Variants in LRRTM4 observed in about 807,000 individuals in gnomAD.
The protein encoded by LRRTM4 is leucine rich repeat transmembrane neuronal 4.
Under a neutral mutation model 47.6 loss-of-function variants are expected in LRRTM4, and 25 were observed. The observed-to-expected ratio is 0.53, with a 90% CI of 0.38 to 0.73. The LOEUF is 0.73. Ranked by LOEUF, LRRTM4 falls within the 30% of genes least tolerant of loss-of-function variation. The pLI is 0.00. For synonymous variants in LRRTM4, 311 were observed against 269.5 expected, an observed-to-expected ratio of 1.15 and a Z score of -1.51; for missense variants, 638 against 713.4, an observed-to-expected ratio of 0.89 and a Z score of 1.20.
chr2:77,049,331 G>T (rs1352723351), intron 3 of LRRTM4, among the ~76,000 whole-genome samples: 1 of 151,048 alleles, frequency 6.6e-6, no homozygotes, highest in Non-Finnish European at 1.5e-5. Context: ...TATATCCAGT[G>T]GTGAGACTGT....
chr2:77,468,417 A>G (rs1485020425), intron 3 of LRRTM4, among the ~76,000 whole-genome samples: 1 of 152,220 alleles, frequency 6.6e-6, no homozygotes, highest in Non-Finnish European at 1.5e-5. Flanking sequence ...AGAATGGGCA[A>G]AATAATCATT....
chr2:77,050,246 T>C (rs1043281716), intron 3 of LRRTM4, among the ~76,000 whole-genome samples: 2 of 151,788 alleles, frequency 1.3e-5, no homozygotes, highest in Non-Finnish European at 2.9e-5. Flanking sequence ...CTGGGATCCT[T>C]AACCTCATAT....
At chr2:77,006,329 TA>T (rs1477296190) in intron 3 of LRRTM4, among the ~76,000 whole-genome samples, 4 of 152,206 alleles carry the variant, frequency 2.6e-5, no homozygotes, top group Non-Finnish European at 5.9e-5. Flanking sequence ...AGATGTTTTC[TA>T]AATTCTCAAG....
At chr2:77,091,460 C>G (rs1378453484) in intron 3 of LRRTM4, among the ~76,000 whole-genome samples, 1 of 150,260 alleles carries the variant, frequency 6.7e-6, no homozygotes, top group Admixed American at 6.6e-5. Context: ...TACAATTCCC[C>G]CATTTTACCA....
chr2:77,054,099 T>C (rs961865338), intron 3 of LRRTM4, among the ~76,000 whole-genome samples: 1 of 152,064 alleles, frequency 6.6e-6, no homozygotes, highest in African/African-American at 2.4e-5. Flanking sequence ...TCTCAGATTT[T>C]TCGTCCAAAA....
chr2:76,827,933 GATGAA>G (rs1375788463), intron 3 of LRRTM4, among the ~76,000 whole-genome samples: 4 of 151,852 alleles, frequency 2.6e-5, no homozygotes, highest in Admixed American at 6.6e-5. Context: ...GAAGACAATA[GATGAA>G]ATGAAATAAT....
chr2:77,225,500 C>G (rs1573105207), intron 3 of LRRTM4, among the ~76,000 whole-genome samples: 1 of 150,942 alleles, frequency 6.6e-6, no homozygotes, highest in Admixed American at 6.6e-5. Context: ...TATATTAACT[C>G]ATTTTCCATT....
At chr2:77,199,098 C>T (rs998158800) in intron 3 of LRRTM4, among the ~76,000 whole-genome samples, 1 of 152,082 alleles carries the variant, frequency 6.6e-6, no homozygotes. Flanking sequence ...TCTGATAATA[C>T]TTATTGAATG....
intron 3 of LRRTM4, among the ~76,000 whole-genome samples, chr2:77,073,788 TTTCAC>T (rs1018871584): frequency 1.2e-4 from 19 of 152,190 alleles, no homozygotes; most frequent in African/African-American, 4.1e-4. Flanking sequence ...CAAATATATA[TTTCAC>T]TTTACAATAG....
At chr2:76,818,292 GAAT>G (rs1305253203) in intron 3 of LRRTM4, among the ~76,000 whole-genome samples, 1 of 151,700 alleles carries the variant, frequency 6.6e-6, no homozygotes, top group East Asian at 1.9e-4. Context: ...CTTAGTGGGT[GAAT>G]AATATGGTGG....
In LRRTM4 at chr2:77,141,092, TACC is replaced by T. The variant is rs1391286113; in HGVS notation, c.1551+377223_1551+377225del. Reference sequence around the variant, plus strand: ...TTCCTCAAGGATCTAGAACTAGAAATACCATTTGACCCAGCCATCCCATTACTG... The same window carrying T: ...TTCCTCAAGGATCTAGAACTAGAAATATTTGACCCAGCCATCCCATTACTG... On this transcript the variant is annotated intron_variant, in intron 3 of 3. Coordinates refer to ENST00000409884, the MANE Select transcript of LRRTM4 (RefSeq NM_001134745.3). Among the ~76,000 whole-genome samples, 5 of 152,130 alleles carry T rather than the reference TACC, an allele frequency of 3.3e-5. No individual in the cohort carries two copies. In the South Asian group the frequency reaches 6.2e-4, roughly 19 times the overall value.
chr2:77,128,728 C>T (rs998993608), intron 3 of LRRTM4, among the ~76,000 whole-genome samples: 5 of 152,306 alleles, frequency 3.3e-5, no homozygotes, highest in Admixed American at 3.3e-4. Context: ...CTACCTCCGC[C>T]TCCCGGGTTC....
intron 3 of LRRTM4, among the ~76,000 whole-genome samples, chr2:77,017,349 C>T (rs942010017): frequency 6.6e-6 from 1 of 152,160 alleles, no homozygotes; most frequent in Non-Finnish European, 1.5e-5. Context: ...TAATTATATC[C>T]TGAAAACTCC....
Position 77,421,429 on chromosome 2 carries a change from C to T in LRRTM4, c.1551+96889G>A, listed in dbSNP as rs146180897. The stretch of plus-strand genomic sequence containing the variant: ...GCCATCTGGAAGGAAGAGTCCAGGC[C>T]GGGCGTGGTGGCTCATGCCTATAAT... On this transcript the variant is annotated intron_variant, in intron 3 of 3. Coordinates refer to ENST00000409884, the MANE Select transcript of LRRTM4 (RefSeq NM_001134745.3). 4.7e-3 allele frequency among the ~76,000 whole-genome samples: 715 copies of T among 152,110 alleles called. 4 individuals carry two copies. Among genetic ancestry groups the T allele is most frequent in the African/African-American group, 0.017 (685 of 41,514 alleles).
intron 3 of LRRTM4, among the ~76,000 whole-genome samples, chr2:77,035,480 C>T (rs1678806271): frequency 6.6e-6 from 1 of 151,774 alleles, no homozygotes; most frequent in South Asian, 2.1e-4. Flanking sequence ...TTCATAACCT[C>T]AGGCAACACT....
At chr2:76,899,350 C>T (rs201171008) in intron 3 of LRRTM4, among the ~76,000 whole-genome samples, 11,877 of 130,754 alleles carry the variant, frequency 0.091, 737 homozygotes, top group East Asian at 0.36. Flanking sequence ...CACACACACA[C>T]ACATATATAT....
chr2:77,435,507 G>C lies in LRRTM4; in HGVS notation c.1551+82811C>G, dbSNP rs192683995. On this transcript the variant is annotated intron_variant, in intron 3 of 3. Transcript: ENST00000409884. Reference sequence around the variant, plus strand: ...ATTCAATATCCAATTTATATAAAATGATTATAATGATAACATTAAAAATAA... The same window carrying C: ...ATTCAATATCCAATTTATATAAAATCATTATAATGATAACATTAAAAATAA... Among the ~76,000 whole-genome samples the C allele has an allele frequency of 3.0e-3, 459 of 152,140 alleles. 3 individuals are homozygous for C. The highest frequency in any genetic ancestry group is 0.01 in the African/African-American group (424 of 41,514).
intron 3 of LRRTM4, among the ~76,000 whole-genome samples, chr2:77,153,033 A>G (rs988555871): frequency 3.3e-5 from 5 of 152,138 alleles, no homozygotes; most frequent in Admixed American, 6.5e-5. Context: ...CTCTAAAAAG[A>G]AAAAAAAGCA....
At chr2:77,261,723 G>A (rs952355206) in intron 3 of LRRTM4, among the ~76,000 whole-genome samples, 5 of 152,002 alleles carry the variant, frequency 3.3e-5, no homozygotes, top group Admixed American at 1.3e-4. Context: ...GGCTCCTATT[G>A]ATATTTGTGT....
Sources: gnomAD v4.1 joint callset for allele counts (sites outside exome capture counted in the v4.1 genomes callset) on GRCh38, gnomAD v4.1.1 for gene constraint, MANE v1.5 for transcripts, NCBI Gene and HGNC (gene_info 2026-07-23, HGNC 2026-07-21) for gene names.